Variants in ACP6 observed in about 807,000 individuals in gnomAD.
The protein encoded by ACP6 is lysophosphatidic acid phosphatase type 6.
In ACP6, 48 loss-of-function variants were observed where a neutral mutation model predicts 48.1. The observed-to-expected ratio is 1.00, with a 90% CI of 0.79 to 1.27. The LOEUF is 1.27. ACP6 is among the 50% of genes most tolerant of loss of function. The pLI, the probability that ACP6 is intolerant of heterozygous loss-of-function variation, is 0.00. For synonymous variants in ACP6, 172 were observed against 204.2 expected, an observed-to-expected ratio of 0.84 and a Z score of 1.34; for missense variants, 485 against 529.1, an observed-to-expected ratio of 0.92 and a Z score of 0.82.
At chr1:147,631,390 C>T (rs1659159296) in intron 5 of ACP6, among the ~76,000 whole-genome samples, 2 of 152,198 alleles carry the variant, frequency 1.3e-5, no homozygotes, top group African/African-American at 4.8e-5. Context: ...TAAATCCATG[C>T]ACTTTTCTTC....
chr1:147,640,996 C>T (rs1401593635), downstream of ACP6, among the ~76,000 whole-genome samples: 1 of 152,094 alleles, frequency 6.6e-6, no homozygotes, highest in Non-Finnish European at 1.5e-5. Context: ...GCAGAAGAGA[C>T]TCATCGCTGC....
At position 147,670,081 on chromosome 1, in the gene ACP6, G is replaced by C; in HGVS notation, c.-33C>G. On this transcript the variant is annotated 5_prime_UTR_variant, in exon 1 of 10. Transcript: ENST00000583509. The stretch of plus-strand genomic sequence containing the variant: ...GGCCCTCGCTGCCCTCCGGGTTGAG[G>C]CTGCAGGAGGCAAACACAAGTCTTC... 6.8e-7 allele frequency: 1 copy of C among 1,462,592 alleles called. No individual in the cohort carries two copies. The highest frequency in any genetic ancestry group is 9.1e-7 in the Non-Finnish European group (1 of 1,099,066). 90.6% of individuals were successfully genotyped at this position (1,462,592 alleles called of 1,614,324 possible). A position where few individuals can be genotyped will look rare whatever the true frequency, so the allele number is the denominator to read the frequency against.
At chr1:147,655,014 G>T in intron 5 of ACP6, 147 bp downstream of exon 5, 1 of 619,924 alleles carries the variant, frequency 1.6e-6, no homozygotes, top group Non-Finnish European at 2.8e-6. Context: ...GACAGCTGAT[G>T]TCACACTTAA....
intron 4 of ACP6, 145 bp downstream of exon 4, chr1:147,658,814 AC>A: frequency 2.8e-6 from 2 of 710,188 alleles, no homozygotes; most frequent in Non-Finnish European, 4.8e-6. Context: ...ACAGGGAAAG[AC>A]CCACTGGACT....
chr1:147,647,892 T>C (rs1659705559), intron 9 of ACP6: 3 of 481,992 alleles, frequency 6.2e-6, no homozygotes, highest in South Asian at 5.9e-5. Flanking sequence ...ACACCACGGG[T>C]GCTAACAGCA....
At chr1:147,650,067 G>T in intron 8 of ACP6, 76 bp downstream of exon 8, 3 of 1,301,082 alleles carry the variant, frequency 2.3e-6, no homozygotes, top group Non-Finnish European at 3.3e-6. Context: ...GCCTCACTAA[G>T]ATTTGGGTTC....
At chr1:147,663,875 G>C (rs1160679431) in intron 1 of ACP6, among the ~76,000 whole-genome samples, 1 of 151,648 alleles carries the variant, frequency 6.6e-6, no homozygotes, top group East Asian at 1.9e-4. Context: ...TCTGGCTTTT[G>C]ATGGTTATCT....
intron 5 of ACP6, among the ~76,000 whole-genome samples, chr1:147,636,686 G>A (rs1490502128): frequency 6.6e-6 from 1 of 152,222 alleles, no homozygotes; most frequent in African/African-American, 2.4e-5. Flanking sequence ...CAACATGTGT[G>A]TATGCCTAGT....
chr1:147,638,611 G>A (rs1553208300), downstream of ACP6, among the ~76,000 whole-genome samples: 1 of 152,178 alleles, frequency 6.6e-6, no homozygotes, highest in African/African-American at 2.4e-5. Flanking sequence ...GGAGAGGTGG[G>A]CAGGGGGCCT....
In ACP6 at chr1:147,659,386, A is replaced by C; in HGVS notation, c.479+10T>G. ...AAATTAAGTGCAACATCCCCTTTCA[A>C]GTGACTCACAAGACCTCCTGTGGGT... is the stretch of plus-strand genomic sequence containing the variant. On this transcript the variant is annotated intron_variant, in intron 3 of 9. Coordinates refer to ENST00000583509, the MANE Select transcript of ACP6 (RefSeq NM_016361.5). 6 of 1,613,064 alleles carry C rather than the reference A, an allele frequency of 3.7e-6. No homozygotes were observed. The highest frequency in any genetic ancestry group is 4.2e-6 in the Non-Finnish European group (5 of 1,179,472).
chr1:147,635,250 A>C (rs1379673037), intron 5 of ACP6, among the ~76,000 whole-genome samples: 4 of 152,218 alleles, frequency 2.6e-5, no homozygotes, highest in Non-Finnish European at 5.9e-5. Flanking sequence ...TTACCTACCA[A>C]ATAGGAAGAT....
rs941157025 is a variant in ACP6 at position 147,652,448 on chromosome 1, C to T, written c.881+1G>A. The T allele has an allele frequency of 1.2e-6, 2 of 1,610,574 alleles. No individual in the cohort carries two copies. Among genetic ancestry groups the T allele is most frequent in the East Asian group, 2.2e-5 (1 of 44,838 alleles). Reference sequence around the variant, plus strand: ...TCATGCCAGCAGTGAGAGCCCCTCACCTGTCTTCCTTGGGCAGTATGTACA... The same window carrying T: ...TCATGCCAGCAGTGAGAGCCCCTCATCTGTCTTCCTTGGGCAGTATGTACA... On this transcript the variant is annotated splice_donor_variant, in intron 7 of 9. Transcript: ENST00000583509. LOFTEE classifies it high-confidence loss of function.
chr1:147,652,526 G>C lies in ACP6; in HGVS notation c.804C>G (p.Pro268=). Residue 268 remains proline (P), a synonymous_variant, in exon 7 of 10, where the codon CCC becomes CCG. Transcript: ENST00000583509. ...TCATCCTTGCAAATCTCTTCAGCAT[G>C]GGGCAGCTTGGGAGGTTGTGTGCCT... ...AEQAHNLPSC[P]MLKRFARMIE... is the part of the protein sequence containing the mutation. 2 of 1,614,040 alleles carry C rather than the reference G, an allele frequency of 1.2e-6. No individual in the cohort carries two copies. Among genetic ancestry groups the C allele is most frequent in the South Asian group, 2.2e-5 (2 of 91,076 alleles).
chr1:147,647,595 C>T lies in ACP6; in HGVS notation c.1144-29G>A, dbSNP rs370632641. The T allele has an allele frequency of 6.3e-4, 1,002 of 1,603,172 alleles. 6 individuals carry two copies. The Middle Eastern group carries it at 0.01, about 16-fold the overall frequency. On this transcript the variant is annotated intron_variant, in intron 9 of 9. Transcript: ENST00000583509. ...CAGAAGAAACATAACTCAGCAGGTC[C>T]GCCGAGGAACCTGTCCTTCTGCTAT...
At chr1:147,660,186 A>G (rs1553212525) in intron 1 of ACP6, among the ~76,000 whole-genome samples, 1 of 152,250 alleles carries the variant, frequency 6.6e-6, no homozygotes, top group African/African-American at 2.4e-5. Flanking sequence ...GCCCTATCCC[A>G]GCTTAAGGAT....
chr1:147,668,646 A>G (rs1660923038), intron 1 of ACP6, among the ~76,000 whole-genome samples: 1 of 152,162 alleles, frequency 6.6e-6, no homozygotes, highest in Non-Finnish European at 1.5e-5. Context: ...GATCTAATAT[A>G]AAAAGGCAAA....
intron 4 of ACP6, among the ~76,000 whole-genome samples, chr1:147,656,422 C>T (rs1660262217): frequency 6.6e-6 from 1 of 152,160 alleles, no homozygotes; most frequent in South Asian, 2.1e-4. Context: ...TGTCCCATCC[C>T]CTCCTTTTCT....
rs1659561424 is a variant in ACP6, at chr1:147,644,751, G to A, written c.*2672C>T. The A allele has an allele frequency of 6.6e-6, 1 of 152,194 alleles. No homozygotes were observed. The highest frequency in any genetic ancestry group is 2.1e-4 in the South Asian group (1 of 4,826). The allele number at this position is 152,194 out of a possible 1,614,324, so 9.4% of individuals were successfully genotyped here. Reference sequence around the variant, plus strand: ...TGGCCAAAGCAACAGGGTGAATGGTGGTGTCATTTACCTAGATGGGAAAGC... The same window carrying A: ...TGGCCAAAGCAACAGGGTGAATGGTAGTGTCATTTACCTAGATGGGAAAGC... On this transcript the variant is annotated 3_prime_UTR_variant, in exon 10 of 10. Transcript: ENST00000583509.
rs964683071 is a variant in ACP6 at position 147,659,628 on chromosome 1, G to A, written c.348+19C>T. 1.2e-6 allele frequency: 2 copies of A among 1,614,020 alleles called. No homozygotes were observed. The highest frequency in any genetic ancestry group is 1.7e-6 in the Non-Finnish European group (2 of 1,179,934). On this transcript the variant is annotated intron_variant, in intron 2 of 9. Transcript: ENST00000583509. ...AACCTTTGCAGTGGGGCTCCCCAGA[G>A]CAAGGAAGCATTGCTCACCTTCAGG...
Sources: allele counts gnomAD v4.1 joint callset (sites outside exome capture counted in the v4.1 genomes callset), GRCh38; gene constraint gnomAD v4.1.1; transcripts MANE v1.5; gene names NCBI Gene and HGNC (gene_info 2026-07-23, HGNC 2026-07-21).